Variants in FRMPD1 observed in about 807,000 individuals in gnomAD.
FRMPD1 encodes FERM and PDZ domain containing 1.
In FRMPD1, 76 loss-of-function variants were observed where a neutral mutation model predicts 117.8. The observed-to-expected ratio is 0.65, with a 90% CI of 0.54 to 0.78. FRMPD1 has a LOEUF of 0.78. Among genes scored for constraint, FRMPD1 ranks in the 30% least tolerant of loss-of-function variants. The pLI, the probability that FRMPD1 is intolerant of heterozygous loss-of-function variation, is 0.00. For synonymous variants in FRMPD1, 783 were observed against 770.4 expected (o/e 1.02, Z -0.27); for missense variants, 1,786 against 1,964.5 (o/e 0.91, Z 1.72).
the FRMPD1 span, among the ~76,000 whole-genome samples, chr9:37,618,417 T>TGGAATA: frequency 6.6e-6 from 1 of 152,134 alleles, no homozygotes; most frequent in Non-Finnish European, 1.5e-5. Context: ...AACAACAGCC[T>TGGAATA]CTTTTACCTG....
chr9:37,710,405 G>A (rs554760671), intron 4 of FRMPD1, among the ~76,000 whole-genome samples: 6 of 152,144 alleles, frequency 3.9e-5, no homozygotes, highest in Non-Finnish European at 7.3e-5. Flanking sequence ...TGTTCTGGCC[G>A]CTAATATAAA....
At chr9:37,675,870 C>T (rs7023832) in intron 1 of FRMPD1, among the ~76,000 whole-genome samples, 23,267 of 152,126 alleles carry the variant, frequency 0.15, 2,465 homozygotes, top group East Asian at 0.47. Flanking sequence ...TGCTGCTGCT[C>T]GAACTGGTGT....
intron 15 of FRMPD1, among the ~76,000 whole-genome samples, chr9:37,741,198 G>A (rs1365292130): frequency 1.3e-5 from 2 of 151,986 alleles, no homozygotes; most frequent in Non-Finnish European, 2.9e-5. Context: ...AAAAGGAAAG[G>A]GCTTGACAGG....
intron 15 of FRMPD1, among the ~76,000 whole-genome samples, chr9:37,744,183 C>G (rs1379499532): frequency 6.6e-6 from 1 of 151,908 alleles, no homozygotes; most frequent in African/African-American, 2.4e-5. Context: ...GAAAGAGACT[C>G]CGTCTCAAAA....
At chr9:37,737,548 G>T (rs374750800) in intron 14 of FRMPD1, among the ~76,000 whole-genome samples, 1 of 152,132 alleles carries the variant, frequency 6.6e-6, no homozygotes, top group East Asian at 1.9e-4. Flanking sequence ...TCTCAGCCAG[G>T]CATTGTGGCT....
In FRMPD1 at chr9:37,744,465, C is replaced by G; in HGVS notation, c.2433C>G (p.Asn811Lys). The change falls in exon 16 of 16, where the codon AAC becomes AAG. Residue 811 changes from asparagine to lysine, a missense_variant. By Grantham distance (94) the Asn-to-Lys change is moderately conservative. Coordinates refer to ENST00000377765, the MANE Select transcript of FRMPD1 (RefSeq NM_014907.3). ...QNKASTSSPE[N>K]SLPCGPDGRQ... ...AGGCCAGCACTTCTAGCCCTGAGAA[C>G]AGCCTGCCTTGTGGGCCAGATGGAA... 2 of 1,614,114 alleles carry G rather than the reference C, an allele frequency of 1.2e-6. No individual in the cohort carries two copies. Among genetic ancestry groups the G allele is most frequent in the Admixed American group, 1.7e-5 (1 of 60,022 alleles).
Position 37,713,290 on chromosome 9 carries a change from G to C in FRMPD1, c.408+1895G>C, listed in dbSNP as rs539686888. ...ACATGTCAATGTAATCAGATAAAAAGTTCAAGAGTAGATGCTAGTATAGGA... is the reference window on the plus strand; with the variant it reads ...ACATGTCAATGTAATCAGATAAAAACTTCAAGAGTAGATGCTAGTATAGGA... On this transcript the variant is annotated intron_variant, in intron 5 of 15. Transcript: ENST00000377765. 5.5e-3 allele frequency among the ~76,000 whole-genome samples: 836 copies of C among 152,172 alleles called. 9 individuals carry two copies. The highest frequency in any genetic ancestry group is 0.02 in the African/African-American group (810 of 41,514).
At chr9:37,712,299 A>G (rs1822936265) in intron 5 of FRMPD1, among the ~76,000 whole-genome samples, 3 of 152,238 alleles carry the variant, frequency 2.0e-5, no homozygotes, top group African/African-American at 7.2e-5. Flanking sequence ...GTCAAATAGA[A>G]AAAGAAAAAC....
intron 1 of FRMPD1, among the ~76,000 whole-genome samples, chr9:37,655,010 T>C (rs971331134): frequency 2.6e-5 from 4 of 152,170 alleles, no homozygotes; most frequent in Admixed American, 2.6e-4. Flanking sequence ...GAGGTGCTCA[T>C]TGATGCATAA....
intron 2 of FRMPD1, among the ~76,000 whole-genome samples, chr9:37,702,824 T>C (rs1051597436): frequency 6.6e-6 from 1 of 152,224 alleles, no homozygotes; most frequent in East Asian, 1.9e-4. Flanking sequence ...AGATTGTGTT[T>C]CTTTGTATGT....
chr9:37,715,686 A>G (rs1299115526), intron 5 of FRMPD1: 1 of 456,090 alleles, frequency 2.2e-6, no homozygotes. Context: ...AGTGGGTGTA[A>G]GTAGGTGGTT....
the FRMPD1 span, among the ~76,000 whole-genome samples, chr9:37,635,735 A>C: frequency 2.6e-5 from 4 of 152,196 alleles, no homozygotes; most frequent in African/African-American, 4.8e-5. Context: ...GGGGACTAGG[A>C]TCCTGGGTGC....
At chr9:37,715,760 C>T (rs1684366068) in intron 5 of FRMPD1, 3 of 454,298 alleles carry the variant, frequency 6.6e-6, no homozygotes, top group South Asian at 1.6e-5. Context: ...TATAAAAGTA[C>T]GGGAGCCACA....
chr9:37,666,149 TAGG>T (rs1563923109), intron 1 of FRMPD1, among the ~76,000 whole-genome samples: 2 of 152,164 alleles, frequency 1.3e-5, no homozygotes, highest in Non-Finnish European at 2.9e-5. Flanking sequence ...AGGTAGGTAG[TAGG>T]AGTTCTCCTG....
chr9:37,702,253 T>C (rs1016976864), intron 2 of FRMPD1, among the ~76,000 whole-genome samples: 2 of 152,256 alleles, frequency 1.3e-5, no homozygotes, highest in Admixed American at 1.3e-4. Context: ...ATTAGATATG[T>C]ACAGTATTTT....
At position 37,735,691 on chromosome 9, in the gene FRMPD1, C is replaced by T. The variant is rs1457767441; in HGVS notation, c.1358C>T (p.Ser453Phe). Residue 453 changes from serine (S) to phenylalanine (F), a missense_variant, in exon 13 of 16, where the codon TCT becomes TTT. Ser to Phe is a radical substitution (Grantham distance 155). Coordinates refer to ENST00000377765, the MANE Select transcript of FRMPD1 (RefSeq NM_014907.3). ...AGCCGTGTAGAGCTAACGGAAGAGT[C>T]TGAGAAAGTGAGCGTCGTCAAAGTG... ...NISRVELTEE[S>F]EKVSVVKVYL... 8 of 1,613,754 alleles carry T rather than the reference C, an allele frequency of 5.0e-6. No homozygotes were observed. The highest frequency in any genetic ancestry group is 6.8e-6 in the Non-Finnish European group (8 of 1,179,852).
chr9:37,678,130 C>A (rs951400473), intron 1 of FRMPD1, among the ~76,000 whole-genome samples: 1 of 152,072 alleles, frequency 6.6e-6, no homozygotes, highest in Non-Finnish European at 1.5e-5. Context: ...GGGCAGAACC[C>A]TAGAGCTCTC....
chr9:37,719,490 A>C (rs1823300648), intron 6 of FRMPD1, among the ~76,000 whole-genome samples: 1 of 152,190 alleles, frequency 6.6e-6, no homozygotes, highest in Admixed American at 6.5e-5. Context: ...TGCATCTTCA[A>C]ATTTATTATC....
chr9:37,605,699 T>TTTAC, the FRMPD1 span, among the ~76,000 whole-genome samples: 2 of 150,846 alleles, frequency 1.3e-5, no homozygotes, highest in Admixed American at 6.6e-5. Context: ...TATTTATTTA[T>TTTAC]TTATTTATTT....
Sources: gnomAD v4.1 joint callset for allele counts (sites outside exome capture counted in the v4.1 genomes callset) on GRCh38, gnomAD v4.1.1 for gene constraint, MANE v1.5 for transcripts, NCBI Gene and HGNC (gene_info 2026-07-23, HGNC 2026-07-21) for gene names.